PAWR: variants seen among roughly 807,000 people sequenced by gnomAD.
The protein encoded by PAWR is PRKC apoptosis WT1 regulator protein.
In PAWR, 23 loss-of-function variants were observed where a neutral mutation model predicts 32.0. The ratio of observed to expected loss-of-function variants is 0.72; its 90% CI spans 0.52 to 1.02. The LOEUF is 1.02. PAWR is among the 50% of genes least tolerant of loss of function. The pLI, the probability that PAWR is intolerant of heterozygous loss-of-function variation, is 0.00. For synonymous variants in PAWR, 226 were observed against 187.1 expected (o/e 1.21, Z -1.70); for missense variants, 457 against 437.7 (o/e 1.04, Z -0.39).
At chr12:79,680,087 T>G (rs1878367911) in intron 2 of PAWR, among the ~76,000 whole-genome samples, 1 of 152,224 alleles carries the variant, frequency 6.6e-6, no homozygotes, top group Admixed American at 6.5e-5. Context: ...CACTATAACA[T>G]TTGTTTAGAA....
chr12:79,662,853 A>G (rs1877415224), intron 2 of PAWR, among the ~76,000 whole-genome samples: 1 of 152,228 alleles, frequency 6.6e-6, no homozygotes, highest in Non-Finnish European at 1.5e-5. Context: ...TGCTGTTTTT[A>G]AAGTGCTAAT....
chr12:79,650,289 C>T (rs1876777196), intron 2 of PAWR, among the ~76,000 whole-genome samples: 4 of 152,086 alleles, frequency 2.6e-5, no homozygotes, highest in Admixed American at 2.6e-4. Flanking sequence ...AGAATTCTTG[C>T]AATATCTGCT....
chr12:79,592,802 G>A (rs1873603150), intron 6 of PAWR, 109 bp from the exon 7 acceptor site: 1 of 559,022 alleles, frequency 1.8e-6, no homozygotes. Flanking sequence ...ATTTTGAAAT[G>A]AGGGCAAGCT....
chr12:79,631,475 C>T (rs1366607085), intron 2 of PAWR, among the ~76,000 whole-genome samples: 1 of 151,986 alleles, frequency 6.6e-6, no homozygotes, highest in African/African-American at 2.4e-5. Flanking sequence ...TTAGGAAGAT[C>T]GCAAGATACA....
In PAWR at chr12:79,689,756, G is replaced by C. The variant is rs540110284; in HGVS notation, c.489C>G (p.Thr163=). ...KRKLREKRRS[T]GVVNIPAAEC... is the part of the protein sequence containing the mutation. ...CTGCGGCAGGGATGTTGACCACGCC[G>C]GTGGAGCGCCGCTTCTCCCGCAGCT... The change falls in exon 2 of 7, where the codon ACC becomes ACG. Residue 163 remains threonine (T), a synonymous_variant. Transcript: ENST00000328827. 192 of 1,576,114 alleles carry C rather than the reference G, an allele frequency of 1.2e-4. No individual in the cohort carries two copies. Among genetic ancestry groups the C allele is most frequent in the Non-Finnish European group, 1.6e-4 (183 of 1,163,366 alleles).
At chr12:79,652,598 T>C (rs952878421) in intron 2 of PAWR, among the ~76,000 whole-genome samples, 2 of 152,234 alleles carry the variant, frequency 1.3e-5, no homozygotes, top group East Asian at 3.8e-4. Flanking sequence ...ATCATGAATT[T>C]ATTTCATTTT....
At chr12:79,638,874 A>ATATATATATATT (rs1278266408) in intron 2 of PAWR, among the ~76,000 whole-genome samples, 1 of 4,754 alleles carries the variant, frequency 2.1e-4, no homozygotes, top group Non-Finnish European at 4.3e-4. Context: ...ATATATATAT[A>ATATATATATATT]TATATATATA....
intron 4 of PAWR, among the ~76,000 whole-genome samples, chr12:79,610,254 G>A (rs1036340787): frequency 6.6e-6 from 1 of 152,210 alleles, no homozygotes; most frequent in African/African-American, 2.4e-5. Flanking sequence ...ATGCAGCTTG[G>A]TTGAGCTGGG....
rs1461806085 is a variant in PAWR at position 79,589,426 on chromosome 12, C to G, written c.*3181G>C. Reference sequence around the variant, plus strand: ...ACATGTAACCGAGGTAGGTTTTTCACCTTAAGAATACATTGCTTCTACCAC... The same window carrying G: ...ACATGTAACCGAGGTAGGTTTTTCAGCTTAAGAATACATTGCTTCTACCAC... On this transcript the variant is annotated 3_prime_UTR_variant, in exon 7 of 7. Transcript: ENST00000328827. The G allele has an allele frequency of 6.6e-6, 1 of 151,794 alleles. No individual in the cohort carries two copies. The highest frequency in any genetic ancestry group is 2.4e-5 in the African/African-American group (1 of 41,356). The allele number at this position is 151,794 out of a possible 1,614,324, so 9.4% of individuals were successfully genotyped here.
chr12:79,662,096 C>T (rs1408366243), intron 2 of PAWR, among the ~76,000 whole-genome samples: 2 of 149,728 alleles, frequency 1.3e-5, no homozygotes, highest in Non-Finnish European at 2.9e-5. Context: ...TAGCTAAGCA[C>T]AGTGGCATGT....
intron 3 of PAWR, among the ~76,000 whole-genome samples, chr12:79,618,277 C>A (rs2136710050): frequency 6.6e-6 from 1 of 152,100 alleles, no homozygotes; most frequent in East Asian, 1.9e-4. Flanking sequence ...TACAGGTGAA[C>A]ACCACCATGC....
chr12:79,607,743 A>AT (rs1371635893), intron 4 of PAWR, among the ~76,000 whole-genome samples: 14 of 127,862 alleles, frequency 1.1e-4, no homozygotes, highest in East Asian at 4.2e-4. Context: ...AAAAAAAAAA[A>AT]AATAATAATA....
chr12:79,680,993 C>A (rs1878413257), intron 2 of PAWR, among the ~76,000 whole-genome samples: 1 of 151,432 alleles, frequency 6.6e-6, no homozygotes. Context: ...TGCAAGCCTG[C>A]AGTCCCAGCT....
intron 2 of PAWR, among the ~76,000 whole-genome samples, chr12:79,629,469 G>A (rs1006747431): frequency 6.6e-6 from 1 of 151,976 alleles, no homozygotes; most frequent in African/African-American, 2.4e-5. Flanking sequence ...AAATAAAGGA[G>A]CTTCAGATCA....
chr12:79,601,731 T>C (rs146922220), intron 4 of PAWR, among the ~76,000 whole-genome samples: 19 of 152,316 alleles, frequency 1.2e-4, no homozygotes, highest in African/African-American at 4.3e-4. Context: ...TTAAATAAAA[T>C]ATTGAATATG....
At chr12:79,638,863 C>CATATATATATATATATATATATATATAT (rs1555237600) in intron 2 of PAWR, among the ~76,000 whole-genome samples, 1 of 8,156 alleles carries the variant, frequency 1.2e-4, no homozygotes, top group Non-Finnish European at 2.5e-4. Context: ...GAGATGGAGT[C>CATATATATATATATATATATATATATAT]ATATATATAT....
intron 4 of PAWR, among the ~76,000 whole-genome samples, chr12:79,612,869 C>CAA (rs1874503874): frequency 6.6e-6 from 1 of 152,168 alleles, no homozygotes; most frequent in Non-Finnish European, 1.5e-5. Context: ...TATACATACA[C>CAA]AAACACATTC....
intron 2 of PAWR, 68 bp downstream of exon 2, chr12:79,689,661 A>G: frequency 6.7e-7 from 1 of 1,500,848 alleles, no homozygotes; most frequent in Non-Finnish European, 8.9e-7. Context: ...GGTAGCTCCC[A>G]GGAGGAAGAC....
chr12:79,659,305 A>C (rs896068159), intron 2 of PAWR, among the ~76,000 whole-genome samples: 8 of 152,300 alleles, frequency 5.3e-5, no homozygotes, highest in East Asian at 1.9e-4. Context: ...AAGAAAAAAA[A>C]AAAAATCTAA....
Sources: gnomAD v4.1 joint callset for allele counts (sites outside exome capture counted in the v4.1 genomes callset) on GRCh38, gnomAD v4.1.1 for gene constraint, MANE v1.5 for transcripts, NCBI Gene and HGNC (gene_info 2026-07-23, HGNC 2026-07-21) for gene names.